ORC1: variants seen among roughly 807,000 people sequenced by gnomAD.
ORC1 encodes origin recognition complex subunit 1.
ORC1 carries 61 observed loss-of-function variants against 98.9 expected under a neutral mutation model. The observed-to-expected ratio is 0.62, with a 90% CI of 0.50 to 0.76. The LOEUF is 0.76. ORC1 is among the 30% of genes least tolerant of loss of function. The probability of loss-of-function intolerance (pLI) is 0.00; values close to 1 mark genes in which losing one functional copy is unlikely to be tolerated. For synonymous variants in ORC1, 385 were observed against 406.9 expected (o/e 0.95, Z 0.65); for missense variants, 979 against 1,072.2 (o/e 0.91, Z 1.21).
intron 5 of ORC1, among the ~76,000 whole-genome samples, chr1:52,395,484 TTAAA>T (rs1647353283): frequency 1.3e-5 from 2 of 152,128 alleles, no homozygotes; most frequent in South Asian, 2.1e-4. Flanking sequence ...ATTTAAAAAA[TTAAA>T]TAAAAAAAGG....
rs756238351 is a variant in ORC1, at chr1:52,385,947, G to C, written c.1386C>G (p.Leu462=). The change falls in exon 9 of 17, where the codon CTC becomes CTG. Residue 462 remains leucine (L), a splice_region_variant and synonymous_variant. Transcript: ENST00000371568. ...HTLTKVPKKS[L]KPRTPRCAAP... is the part of the protein sequence containing the mutation. ...CGGCACAACGTGGCGTTCTAGGCTTGAGCTGTATTGAAAACAAAGAACATA... is the reference window on the plus strand; with the variant it reads ...CGGCACAACGTGGCGTTCTAGGCTTCAGCTGTATTGAAAACAAAGAACATA... 65 of 1,611,832 alleles carry C rather than the reference G, an allele frequency of 4.0e-5. 1 individual carries two copies. Among genetic ancestry groups the C allele is most frequent in the Non-Finnish European group, 5.0e-5 (59 of 1,178,798 alleles).
At chr1:52,377,111 C>T (rs1647004371) in intron 14 of ORC1, among the ~76,000 whole-genome samples, 1 of 152,168 alleles carries the variant, frequency 6.6e-6, no homozygotes. Context: ...CAACCTCCAC[C>T]TGTGGGGTTC....
intron 15 of ORC1, 79 bp from the exon 16 acceptor site, chr1:52,374,976 T>C (rs1646975606): frequency 1.1e-6 from 1 of 874,534 alleles, no homozygotes; most frequent in Admixed American, 1.9e-5. Context: ...AAAACTTTTC[T>C]GTGTCTTTAG....
intron 10 of ORC1, 60 bp from the exon 11 acceptor site, chr1:52,384,781 C>T: frequency 7.7e-6 from 11 of 1,430,498 alleles, no homozygotes; most frequent in East Asian, 4.7e-5. Flanking sequence ...ACGTTATAAT[C>T]AGTTAGGAGT....
At chr1:52,406,763 A>G (rs916865581), upstream of ORC1, among the ~76,000 whole-genome samples, 1 of 152,214 alleles carries the variant, frequency 6.6e-6, no homozygotes, top group African/African-American at 2.4e-5. Flanking sequence ...GGCTTTGCAT[A>G]TAATAATTCA....
At chr1:52,374,653 C>G (rs535952480) in intron 16 of ORC1, among the ~76,000 whole-genome samples, 157 bp downstream of exon 16, 2 of 152,208 alleles carry the variant, frequency 1.3e-5, no homozygotes, top group African/African-American at 4.8e-5. Flanking sequence ...TCTCATGCAG[C>G]TCTACAAAAT....
chr1:52,380,045 AT>A (rs2147917168), intron 14 of ORC1, among the ~76,000 whole-genome samples: 1 of 152,364 alleles, frequency 6.6e-6, no homozygotes, highest in African/African-American at 2.4e-5. Flanking sequence ...CTTACCAAAA[AT>A]AGATGATTAC....
In ORC1 at chr1:52,374,766, G is replaced by C. The variant is rs113159737; in HGVS notation, c.2391+44C>G. Reference sequence around the variant, plus strand: ...GGAAATTTCCATGTATTTTAAAAGCGTAAGTCCAAAATCTAGAAGGATTTG... The same window carrying C: ...GGAAATTTCCATGTATTTTAAAAGCCTAAGTCCAAAATCTAGAAGGATTTG... On this transcript the variant is annotated intron_variant, in intron 16 of 16. Coordinates refer to ENST00000371568, the MANE Select transcript of ORC1 (RefSeq NM_004153.4). The C allele has an allele frequency of 1.8e-5, 24 of 1,343,792 alleles. No homozygotes were observed. In the African/African-American group the frequency reaches 1.9e-4, roughly 10 times the overall value. The allele number at this position is 1,343,792 out of a possible 1,614,324, so 83.2% of individuals were successfully genotyped here. A position where few individuals can be genotyped will look rare whatever the true frequency, so the allele number is the denominator to read the frequency against.
chr1:52,404,641 T>C (rs2147951932), upstream of ORC1: 1 of 1,258,010 alleles, frequency 7.9e-7, no homozygotes, highest in Admixed American at 2.3e-5. Flanking sequence ...TCGCCTAAGC[T>C]GTTTAGTGAA....
intron 3 of ORC1, 148 bp downstream of exon 3, chr1:52,401,214 A>T: frequency 1.0e-6 from 1 of 992,134 alleles, no homozygotes; most frequent in Non-Finnish European, 1.6e-6. Flanking sequence ...GAAATTTTTT[A>T]GATGGAAGAA....
chr1:52,385,826 T>C, intron 9 of ORC1, 26 bp downstream of exon 9: 6 of 1,536,564 alleles, frequency 3.9e-6, no homozygotes, highest in Middle Eastern at 1.7e-4. Context: ...CCTGCCTCTC[T>C]GAAGGGGAAT....
intron 13 of ORC1, among the ~76,000 whole-genome samples, chr1:52,382,572 C>CTTTTT (rs3049207): frequency 1.0e-4 from 11 of 107,404 alleles, no homozygotes; most frequent in Non-Finnish European, 1.3e-4. Flanking sequence ...AGTGCTAAAA[C>CTTTTT]TTTTTTTTTT....
In ORC1 at chr1:52,388,488, G is replaced by A; in HGVS notation, c.1337C>T (p.Ser446Phe). Residue 446 changes from serine (S) to phenylalanine (F), a missense_variant, in exon 8 of 17, where the codon TCC (serine) becomes TTC (phenylalanine). Coordinates refer to ENST00000371568, the MANE Select transcript of ORC1 (RefSeq NM_004153.4). ...GAGGGTATGTAAGGATGACTTCAAG[G>A]AAGATCGCAGGTTCCTGGACACAGT... Reference protein sequence around the residue: ...PRTVSRNLRSSLKSSLHTLTK... With the variant: ...PRTVSRNLRSFLKSSLHTLTK... 3 of 1,614,164 alleles carry A rather than the reference G, an allele frequency of 1.9e-6. No individual in the cohort carries two copies. Among genetic ancestry groups the A allele is most frequent in the Non-Finnish European group, 2.5e-6 (3 of 1,180,038 alleles).
Position 52,381,688 on chromosome 1 carries a change from T to C in ORC1, c.2087A>G (p.His696Arg). The C allele has an allele frequency of 6.2e-7, 1 of 1,613,470 alleles. No homozygotes were observed. The highest frequency in any genetic ancestry group is 1.3e-5 in the African/African-American group (1 of 75,034). ...GGCATCATCTTCAAAGGCCTTTAGA[T>C]GCTTGAGCCGGGACCTTAGGATCTG... is the stretch of plus-strand genomic sequence containing the variant. Reference protein sequence around the residue: ...LQQILRSRLKHLKAFEDDAIQ... With the variant: ...LQQILRSRLKRLKAFEDDAIQ... Residue 696 changes from histidine to arginine, a missense_variant, in exon 14 of 17, where the codon CAT becomes CGT. Physicochemically the swap from His to Arg is conservative, Grantham distance 29. Coordinates refer to ENST00000371568, the MANE Select transcript of ORC1 (RefSeq NM_004153.4).
chr1:52,401,396 C>A lies in ORC1; in HGVS notation c.189G>T (p.Pro63=), dbSNP rs201244952. Residue 63 remains proline, a synonymous_variant, in exon 3 of 17, where the codon CCG becomes CCT. Transcript: ENST00000371568. ...VLIEGDDDEN[P]YVAKLLELFE... ...ACAACTCAAGCAATTTAGCAACATA[C>A]GGGTTTTCATCATCATCCCCTTCAA... 5.4e-5 allele frequency: 87 copies of A among 1,613,984 alleles called. No individual in the cohort carries two copies. In the East Asian group the frequency reaches 1.9e-3, roughly 35 times the overall value.
At chr1:52,374,787 A>C in intron 16 of ORC1, 23 bp downstream of exon 16, 2 of 1,546,752 alleles carry the variant, frequency 1.3e-6, no homozygotes, top group Non-Finnish European at 1.8e-6. Flanking sequence ...ATCTAGAAGG[A>C]TTTGAAAAGA....
At chr1:52,394,621 G>T in intron 5 of ORC1, among the ~76,000 whole-genome samples, 1 of 146,584 alleles carries the variant, frequency 6.8e-6, no homozygotes, top group Non-Finnish European at 1.5e-5. Context: ...AGGACCTAAA[G>T]AAAAAAAAAA....
Position 52,374,858 on chromosome 1 carries a change from G to A in ORC1, c.2343C>T (p.Ile781=), listed in dbSNP as rs201137221. 1.9e-5 allele frequency: 30 copies of A among 1,613,936 alleles called. No homozygotes were observed. The Admixed American group carries it at 2.8e-4, about 15-fold the overall frequency. ...SVLEQSFLRA[I]LAEFRRSGLE... Reference sequence around the variant, plus strand: ...GTCCTGATCGACGGAACTCTGCGAGGATGGCTCTCAGGAAGCTCTGTTCCA... The same window carrying A: ...GTCCTGATCGACGGAACTCTGCGAGAATGGCTCTCAGGAAGCTCTGTTCCA... The change falls in exon 16 of 17, where the codon ATC becomes ATT. Residue 781 remains isoleucine, a synonymous_variant. Coordinates refer to ENST00000371568, the MANE Select transcript of ORC1 (RefSeq NM_004153.4).
At position 52,373,394 on chromosome 1, in the gene ORC1, G is replaced by A; in HGVS notation, c.2392-19C>T. The A allele has an allele frequency of 6.2e-7, 1 of 1,605,814 alleles. No individual in the cohort carries two copies. The highest frequency in any genetic ancestry group is 2.2e-5 in the East Asian group (1 of 44,808). On this transcript the variant is annotated intron_variant, in intron 16 of 16. Coordinates refer to ENST00000371568, the MANE Select transcript of ORC1 (RefSeq NM_004153.4). ...TATATATCTAGACACAAATAGCAAGGCAAAGGTTAAGAGGAAATACAATCC... is the reference window on the plus strand; with the variant it reads ...TATATATCTAGACACAAATAGCAAGACAAAGGTTAAGAGGAAATACAATCC...
Sources: allele counts gnomAD v4.1 joint callset (sites outside exome capture counted in the v4.1 genomes callset), GRCh38; gene constraint gnomAD v4.1.1; transcripts MANE v1.5; gene names NCBI Gene and HGNC (gene_info 2026-07-23, HGNC 2026-07-21).